The following UBXN2A variants were observed in gnomAD, a reference collection of about 807,000 sequenced individuals.
UBXN2A encodes UBX domain-containing protein 2A.
A neutral mutation model predicts 28.4 loss-of-function variants in UBXN2A; 28 were observed. The ratio of observed to expected loss-of-function variants is 0.99; its 90% CI spans 0.73 to 1.35. The LOEUF is 1.35. Ranked by LOEUF, UBXN2A falls within the 40% of genes most tolerant of loss-of-function variation. UBXN2A has a pLI of 0.00. For synonymous variants in UBXN2A, 97 were observed against 103.6 expected, an observed-to-expected ratio of 0.94 and a Z score of 0.39; for missense variants, 253 against 297.9, an observed-to-expected ratio of 0.85 and a Z score of 1.11.
At chr2:23,943,077 T>TC (rs1705851136) in intron 1 of UBXN2A, among the ~76,000 whole-genome samples, 1 of 151,896 alleles carries the variant, frequency 6.6e-6, no homozygotes, top group African/African-American at 2.4e-5. Flanking sequence ...TGCCTCAGCC[T>TC]CCCGAGTAGC....
At chr2:23,939,347 A>G (rs1705634904), upstream of UBXN2A, among the ~76,000 whole-genome samples, 1 of 152,166 alleles carries the variant, frequency 6.6e-6, no homozygotes, top group Admixed American at 6.6e-5. Flanking sequence ...GGGGGAGGCT[A>G]CAGCAACCGG....
intron 6 of UBXN2A, among the ~76,000 whole-genome samples, chr2:23,990,549 G>A (rs1194198939): frequency 6.7e-6 from 1 of 148,624 alleles, no homozygotes; most frequent in Non-Finnish European, 1.5e-5. Flanking sequence ...GCGGGGGGGC[G>A]GATCACTTGA....
intron 6 of UBXN2A, among the ~76,000 whole-genome samples, chr2:23,988,802 A>G (rs1448638637): frequency 2.0e-5 from 3 of 152,280 alleles, no homozygotes; most frequent in Non-Finnish European, 1.5e-5. Context: ...ATTTTATTCA[A>G]TAGTTTATGA....
intron 4 of UBXN2A, among the ~76,000 whole-genome samples, chr2:23,981,451 C>T (rs1707895031): frequency 8.0e-6 from 1 of 124,914 alleles, no homozygotes; most frequent in South Asian, 2.5e-4. Flanking sequence ...GGACTCCAGC[C>T]TGGGCAACAG....
chr2:23,972,562 G>A lies in UBXN2A; in HGVS notation c.180+1148G>A, dbSNP rs147606005. On this transcript the variant is annotated intron_variant, in intron 3 of 6. Coordinates refer to ENST00000309033, the MANE Select transcript of UBXN2A (RefSeq NM_181713.4). ...TTCTTGACCGGGCGCGGTGGCTCAT[G>A]CCTGTAATCCCAGCACTTTGGGAGG... 9.5e-3 allele frequency among the ~76,000 whole-genome samples: 1,454 copies of A among 152,308 alleles called. 7 individuals are homozygous for A. The highest frequency in any genetic ancestry group is 0.014 in the Non-Finnish European group (949 of 68,026).
rs1483919426 is a variant in UBXN2A, at chr2:24,001,631, T to C, written c.*1764T>C. The C allele has an allele frequency of 6.6e-6, 1 of 151,522 alleles. No individual in the cohort carries two copies. Among genetic ancestry groups the C allele is most frequent in the Non-Finnish European group, 1.5e-5 (1 of 67,898 alleles). 9.4% of individuals were successfully genotyped at this position (151,522 alleles called of 1,614,324 possible). ...CAAGACCATTTGTTTATGTGAGCTATATATATTATTATATTAAATATTAAA... is the reference window on the plus strand; with the variant it reads ...CAAGACCATTTGTTTATGTGAGCTACATATATTATTATATTAAATATTAAA... On this transcript the variant is annotated 3_prime_UTR_variant, in exon 7 of 7. Coordinates refer to ENST00000309033, the MANE Select transcript of UBXN2A (RefSeq NM_181713.4).
At chr2:23,991,296 T>C (rs760221237) in intron 6 of UBXN2A, among the ~76,000 whole-genome samples, 2 of 152,128 alleles carry the variant, frequency 1.3e-5, no homozygotes, top group Non-Finnish European at 2.9e-5. Flanking sequence ...TAATTGACTT[T>C]GTTGGGGAGA....
At chr2:23,948,124 G>A (rs940078398) in intron 1 of UBXN2A, among the ~76,000 whole-genome samples, 12 of 151,988 alleles carry the variant, frequency 7.9e-5, no homozygotes, top group South Asian at 2.1e-4. Context: ...CAGAGTGCTG[G>A]GATTACAGGC....
chr2:23,943,062 T>A (rs188013557), intron 1 of UBXN2A, among the ~76,000 whole-genome samples: 3 of 151,884 alleles, frequency 2.0e-5, no homozygotes, highest in Admixed American at 2.0e-4. Flanking sequence ...TTCAAACGAT[T>A]CTCCTGCCTC....
intron 1 of UBXN2A, among the ~76,000 whole-genome samples, chr2:23,955,780 T>C (rs918871349): frequency 2.0e-5 from 3 of 152,230 alleles, no homozygotes; most frequent in Non-Finnish European, 2.9e-5. Context: ...TATAATCTTA[T>C]GGGACCACCA....
intron 5 of UBXN2A, among the ~76,000 whole-genome samples, chr2:23,983,877 T>C (rs1462610497): frequency 6.6e-6 from 1 of 152,192 alleles, no homozygotes; most frequent in Non-Finnish European, 1.5e-5. Context: ...GGTTTCGCCA[T>C]GTTGGCCAGG....
At chr2:23,937,576 C>T (rs936368010), upstream of UBXN2A, among the ~76,000 whole-genome samples, 1 of 152,072 alleles carries the variant, frequency 6.6e-6, no homozygotes, top group Non-Finnish European at 1.5e-5. Context: ...ACAAGATCAA[C>T]ACACAAAATC....
intron 6 of UBXN2A, among the ~76,000 whole-genome samples, chr2:23,988,993 T>C (rs1046829681): frequency 3.3e-5 from 5 of 152,172 alleles, no homozygotes; most frequent in African/African-American, 1.2e-4. Flanking sequence ...TCCCTAGTTC[T>C]TTTTAGTGGA....
At chr2:23,987,827 T>A (rs1162710754) in intron 6 of UBXN2A, among the ~76,000 whole-genome samples, 2 of 144,096 alleles carry the variant, frequency 1.4e-5, no homozygotes, top group Admixed American at 6.9e-5. Context: ...AAGAACAATA[T>A]AAAGAACTTT....
chr2:23,984,571 C>A, intron 5 of UBXN2A, 102 bp from the exon 6 acceptor site: 1 of 1,022,512 alleles, frequency 9.8e-7, no homozygotes, highest in Non-Finnish European at 1.3e-6. Flanking sequence ...AAAAAATCTT[C>A]CTTAAAGTTA....
At chr2:23,963,375 C>T (rs1312368383) in intron 2 of UBXN2A, among the ~76,000 whole-genome samples, 4 of 150,888 alleles carry the variant, frequency 2.7e-5, no homozygotes, top group Non-Finnish European at 4.4e-5. Context: ...AGTAGCCAGG[C>T]GTGGTGGCAC....
chr2:23,973,432 A>T (rs1055163543), intron 3 of UBXN2A, among the ~76,000 whole-genome samples: 2 of 149,782 alleles, frequency 1.3e-5, no homozygotes, highest in Non-Finnish European at 3.0e-5. Flanking sequence ...TCCGCCTCCC[A>T]GGTTCATGCC....
chr2:23,975,577 A>C lies in UBXN2A; in HGVS notation c.181-1392A>C, dbSNP rs545925151. 2.6e-5 allele frequency among the ~76,000 whole-genome samples: 4 copies of C among 152,228 alleles called. No individual in the cohort carries two copies. In the South Asian group the frequency reaches 6.2e-4, roughly 24 times the overall value. On this transcript the variant is annotated intron_variant, in intron 3 of 6. Coordinates refer to ENST00000309033, the MANE Select transcript of UBXN2A (RefSeq NM_181713.4). ...TTAATCTATTAGTTGTGAAAGGCTT[A>C]TGTTGAAAAAAGGCTTATGTTAAAA...
Position 23,958,356 on chromosome 2 carries a change from G to T in UBXN2A, c.41+1G>T. The T allele has an allele frequency of 6.2e-7, 1 of 1,604,268 alleles. No individual in the cohort carries two copies. The highest frequency in any genetic ancestry group is 1.7e-5 in the Admixed American group (1 of 57,768). ...ACCTCAAAAGTATAAAAGAAGAATG[G>T]TAAGTTAATTCAAACTGAATTGCTT... is the stretch of plus-strand genomic sequence containing the variant. On this transcript the variant is annotated splice_donor_variant, in intron 2 of 6. Coordinates refer to ENST00000309033, the MANE Select transcript of UBXN2A (RefSeq NM_181713.4). LOFTEE classifies it high-confidence loss of function.
Sources: gnomAD v4.1 joint callset for allele counts (sites outside exome capture counted in the v4.1 genomes callset) on GRCh38, gnomAD v4.1.1 for gene constraint, MANE v1.5 for transcripts, NCBI Gene and HGNC (gene_info 2026-07-23, HGNC 2026-07-21) for gene names.